Variants in ADGRL4 observed in about 807,000 individuals in gnomAD.
ADGRL4 encodes the protein EGF, latrophilin and seven transmembrane domain containing 1.
A neutral mutation model predicts 74.8 loss-of-function variants in ADGRL4; 90 were observed. The observed-to-expected ratio is 1.20, with a 90% confidence interval of 1.02 to 1.43. The LOEUF (loss-of-function observed/expected upper bound fraction) is 1.43, where lower values mean the gene tolerates loss of function less well. Among genes scored for constraint, ADGRL4 ranks in the 40% most tolerant of loss-of-function variants. ADGRL4 has a pLI of 0.00. For missense variants in ADGRL4, 881 were observed against 814.3 expected, an observed-to-expected ratio of 1.08 and a Z score of -1.00; for synonymous variants, 311 against 279.2, an observed-to-expected ratio of 1.11 and a Z score of -1.14.
chr1:79,002,970 T>C (rs1213148425), intron 2 of ADGRL4, among the ~76,000 whole-genome samples: 2 of 152,114 alleles, frequency 1.3e-5, no homozygotes, highest in Non-Finnish European at 2.9e-5. Context: ...TACTATAACA[T>C]TTCTTTGGTA....
intron 10 of ADGRL4, among the ~76,000 whole-genome samples, chr1:78,919,831 G>T: frequency 6.6e-6 from 1 of 152,022 alleles, no homozygotes; most frequent in South Asian, 2.1e-4. Flanking sequence ...TTTATGTTCA[G>T]TCCCTATTCT....
At chr1:78,981,323 G>A (rs1329051826) in intron 2 of ADGRL4, among the ~76,000 whole-genome samples, 2 of 151,902 alleles carry the variant, frequency 1.3e-5, no homozygotes, top group African/African-American at 4.8e-5. Flanking sequence ...AGGCAGAGGA[G>A]GAACAACATA....
intron 12 of ADGRL4, among the ~76,000 whole-genome samples, chr1:78,906,267 T>C (rs1648632784): frequency 1.3e-5 from 2 of 152,042 alleles, no homozygotes; most frequent in Admixed American, 1.3e-4. Context: ...TAAAATCCCA[T>C]CCTAATACAT....
intron 2 of ADGRL4, among the ~76,000 whole-genome samples, chr1:78,988,755 G>A (rs938769112): frequency 1.3e-5 from 2 of 151,722 alleles, no homozygotes; most frequent in African/African-American, 4.8e-5. Flanking sequence ...CAAAGTTTAA[G>A]AATCTACCTG....
Position 78,936,338 on chromosome 1 carries a change from G to A in ADGRL4, c.834C>T (p.Tyr278=), listed in dbSNP as rs146373967. The part of the protein sequence containing the change: ...IHPHMNMDGD[Y]INIFPKRKAA... ...CTTTTCTCTTTGGAAATATATTTAT[G>A]TAGTCTCCATCCATATTCATATGAG... The change falls in exon 7 of 15, where the codon TAC becomes TAT. Residue 278 remains tyrosine (Y), a synonymous_variant. Coordinates refer to ENST00000370742, the MANE Select transcript of ADGRL4 (RefSeq NM_022159.4). 1.7e-5 allele frequency: 27 copies of A among 1,594,576 alleles called. No individual in the cohort carries two copies. The African/African-American group carries it at 2.6e-4, about 15-fold the overall frequency.
At chr1:79,004,556 C>A (rs1477648483) in intron 2 of ADGRL4, among the ~76,000 whole-genome samples, 1 of 152,116 alleles carries the variant, frequency 6.6e-6, no homozygotes, top group Admixed American at 6.5e-5. Flanking sequence ...AAGATGACGT[C>A]TTTTCAAAAT....
intron 2 of ADGRL4, among the ~76,000 whole-genome samples, chr1:78,987,817 C>A (rs1399685397): frequency 4.6e-5 from 7 of 151,678 alleles, no homozygotes; most frequent in African/African-American, 1.2e-4. Flanking sequence ...GTCCTTACCC[C>A]TGAAGCTTTA....
rs542181456 is a variant in ADGRL4, at chr1:78,920,490, A to C, written c.1258-104T>G. 800 of 689,724 alleles carry C rather than the reference A, an allele frequency of 1.2e-3. 1 individual carries two copies. Among genetic ancestry groups the C allele is most frequent in the Admixed American group, 4.0e-3 (117 of 29,582 alleles). The allele number at this position is 689,724 out of a possible 1,614,324, so 42.7% of individuals were successfully genotyped here. On this transcript the variant is annotated intron_variant, in intron 9 of 14. Coordinates refer to ENST00000370742, the MANE Select transcript of ADGRL4 (RefSeq NM_022159.4). The stretch of plus-strand genomic sequence containing the variant: ...CCTTTTTTGGTGAAACATTAATCAA[A>C]ATGTTCATAAAATGTAAAAATATAA...
rs192459136 is a variant in ADGRL4, at chr1:78,909,062, G to T, written c.1749+8572C>A. Among the ~76,000 whole-genome samples, 123 of 151,962 alleles carry T rather than the reference G, an allele frequency of 8.1e-4. 1 individual carries two copies. The highest frequency in any genetic ancestry group is 2.9e-3 in the African/African-American group (119 of 41,500). On this transcript the variant is annotated intron_variant, in intron 12 of 14. Coordinates refer to ENST00000370742, the MANE Select transcript of ADGRL4 (RefSeq NM_022159.4). ...GGAAAAATGTTACAGGCACTGAAAT[G>T]CTTATTAATACATAATATGGATAAA...
intron 2 of ADGRL4, among the ~76,000 whole-genome samples, chr1:78,998,692 T>A (rs1570280386): frequency 2.0e-5 from 3 of 152,248 alleles, no homozygotes; most frequent in East Asian, 3.9e-4. Flanking sequence ...TTCATATATA[T>A]ATATGATTGT....
intron 13 of ADGRL4, 89 bp from the exon 14 acceptor site, chr1:78,891,781 T>A: frequency 3.4e-6 from 4 of 1,187,886 alleles, no homozygotes; most frequent in Non-Finnish European, 4.7e-6. Context: ...GAGGTGAGTT[T>A]TCAGTATAAC....
chr1:78,955,020 G>A (rs1026631654), intron 2 of ADGRL4, among the ~76,000 whole-genome samples: 1 of 152,042 alleles, frequency 6.6e-6, no homozygotes, highest in Non-Finnish European at 1.5e-5. Flanking sequence ...ATTCTAAATC[G>A]TGAAACTTTG....
chr1:78,914,701 A>AT (rs1441146230), intron 12 of ADGRL4, among the ~76,000 whole-genome samples: 2 of 151,442 alleles, frequency 1.3e-5, no homozygotes, highest in African/African-American at 4.9e-5. Context: ...GTAATTTTAG[A>AT]TTTTTTAAAA....
intron 3 of ADGRL4, among the ~76,000 whole-genome samples, chr1:78,943,482 A>G (rs1423870890): frequency 1.3e-5 from 2 of 152,232 alleles, no homozygotes; most frequent in Admixed American, 6.5e-5. Context: ...TGTCGAAAAT[A>G]GTATTTGAAT....
intron 2 of ADGRL4, among the ~76,000 whole-genome samples, chr1:78,971,338 T>C (rs1208136066): frequency 6.6e-6 from 1 of 152,168 alleles, no homozygotes; most frequent in Non-Finnish European, 1.5e-5. Context: ...GCAGGTTTGT[T>C]ACATATGTAT....
rs151204473 is a variant in ADGRL4 at position 78,906,901 on chromosome 1, A to G, written c.1749+10733T>C. The stretch of plus-strand genomic sequence containing the variant: ...GAGATATAAGATTTTCCCCCAAATT[A>G]TTAAGAATTGTCCTTTTCTGACTTT... On this transcript the variant is annotated intron_variant, in intron 12 of 14. Coordinates refer to ENST00000370742, the MANE Select transcript of ADGRL4 (RefSeq NM_022159.4). Among the ~76,000 whole-genome samples, 1,001 of 152,118 alleles carry G rather than the reference A, an allele frequency of 6.6e-3. 10 individuals are homozygous for G. The highest frequency in any genetic ancestry group is 0.023 in the African/African-American group (947 of 41,554).
At chr1:78,933,000 C>A (rs1317474003) in intron 7 of ADGRL4, among the ~76,000 whole-genome samples, 2 of 151,346 alleles carry the variant, frequency 1.3e-5, no homozygotes, top group African/African-American at 4.9e-5. Flanking sequence ...ACCAGAGGTG[C>A]AAAGAAGAGC....
Position 78,970,173 on chromosome 1 carries a change from A to G in ADGRL4, c.173-23747T>C, listed in dbSNP as rs369346388. The stretch of plus-strand genomic sequence containing the variant: ...GCAGCTGGCTTATGTTAAGGAGTCC[A>G]TGCAACTCCTCCCCCAAGACACATT... On this transcript the variant is annotated intron_variant, in intron 2 of 14. Transcript: ENST00000370742. Among the ~76,000 whole-genome samples the G allele has an allele frequency of 2.6e-5, 4 of 152,280 alleles. No homozygotes were observed. In the East Asian group the frequency reaches 5.8e-4, roughly 22 times the overall value.
chr1:78,929,966 T>C (rs1207386798), intron 7 of ADGRL4, among the ~76,000 whole-genome samples: 2 of 151,488 alleles, frequency 1.3e-5, no homozygotes, highest in East Asian at 3.9e-4. Context: ...TTGGATTTGT[T>C]CCTAAATACA....
Sources: allele counts gnomAD v4.1 joint callset (sites outside exome capture counted in the v4.1 genomes callset), GRCh38; gene constraint gnomAD v4.1.1; transcripts MANE v1.5; gene names NCBI Gene and HGNC (gene_info 2026-07-23, HGNC 2026-07-21).